SNAPC1: variants seen among roughly 807,000 people sequenced by gnomAD.
SNAPC1 encodes snRNA-activating protein complex subunit 1.
In SNAPC1, 42 loss-of-function variants were observed where a neutral mutation model predicts 50.1. The ratio of observed to expected loss-of-function variants is 0.84; its 90% CI spans 0.65 to 1.08. SNAPC1 has a LOEUF of 1.08. SNAPC1 is among the 50% of genes least tolerant of loss of function. SNAPC1 has a pLI of 0.00. For missense variants in SNAPC1, 477 were observed against 427.3 expected (o/e 1.12, Z -1.02); for synonymous variants, 164 against 144.2 (o/e 1.14, Z -0.98).
At chr14:61,767,189 C>CT (rs756654567) in intron 2 of SNAPC1, 23 bp from the exon 3 acceptor site, 25 of 1,407,916 alleles carry the variant, frequency 1.8e-5, no homozygotes, top group Middle Eastern at 2.0e-4. Context: ...TTTAGTACAA[C>CT]TTTTTTTTCT....
intron 4 of SNAPC1, among the ~76,000 whole-genome samples, chr14:61,772,968 G>T (rs926038565): frequency 4.6e-5 from 7 of 152,124 alleles, no homozygotes; most frequent in Non-Finnish European, 1.0e-4. Flanking sequence ...CTTGTCCCTT[G>T]ATACTTCTGC....
Position 61,796,422 on chromosome 14 carries a change from A to G in SNAPC1, c.*1439A>G, listed in dbSNP as rs928524616. 6.6e-6 allele frequency: 1 copy of G among 152,188 alleles called. No individual in the cohort carries two copies. The allele number at this position is 152,188 out of a possible 1,614,324, so 9.4% of individuals were successfully genotyped here. On this transcript the variant is annotated 3_prime_UTR_variant, in exon 10 of 10. Transcript: ENST00000216294. ...GCTGACGCAAATAAAATTTTCATTT[A>G]TTAGCATTCATGCAGTCACAATTGT...
At chr14:61,773,015 C>A (rs1328807198) in intron 4 of SNAPC1, among the ~76,000 whole-genome samples, 6 of 152,172 alleles carry the variant, frequency 3.9e-5, no homozygotes, top group Admixed American at 2.0e-4. Flanking sequence ...AGCCTGTAAT[C>A]CATTCTCACT....
intron 4 of SNAPC1, among the ~76,000 whole-genome samples, chr14:61,772,617 T>C (rs919186498): frequency 6.6e-6 from 1 of 152,216 alleles, no homozygotes; most frequent in Non-Finnish European, 1.5e-5. Flanking sequence ...CTTGAACTCC[T>C]GAGCTTGGGT....
rs2045186089 is a variant in SNAPC1, at chr14:61,795,881, A to G, written c.*898A>G. 1 of 150,294 alleles carries G rather than the reference A, an allele frequency of 6.7e-6. No homozygotes were observed. Among genetic ancestry groups the G allele is most frequent in the South Asian group, 2.1e-4 (1 of 4,788 alleles). 9.3% of individuals were successfully genotyped at this position (150,294 alleles called of 1,614,324 possible). ...TGTTTTTTTTTTTTCCCTAATAGAG[A>G]TGGAGTATCGCTATGTTGCTCAGGC... On this transcript the variant is annotated 3_prime_UTR_variant, in exon 10 of 10. Coordinates refer to ENST00000216294, the MANE Select transcript of SNAPC1 (RefSeq NM_003082.4).
chr14:61,792,061 C>T (rs1398542469), intron 8 of SNAPC1, among the ~76,000 whole-genome samples: 1 of 150,986 alleles, frequency 6.6e-6, no homozygotes, highest in Non-Finnish European at 1.5e-5. Context: ...CAAGATCGCG[C>T]CACTGCACTG....
chr14:61,772,178 C>A (rs925889709), intron 4 of SNAPC1, among the ~76,000 whole-genome samples: 1 of 151,984 alleles, frequency 6.6e-6, no homozygotes, highest in East Asian at 1.9e-4. Context: ...CTCACTGCAC[C>A]CTCAGTCTCC....
Position 61,792,873 on chromosome 14 carries a change from A to G in SNAPC1, c.1043A>G (p.Glu348Gly). 6.2e-7 allele frequency: 1 copy of G among 1,606,638 alleles called. No individual in the cohort carries two copies. Among genetic ancestry groups the G allele is most frequent in the Non-Finnish European group, 8.5e-7 (1 of 1,175,444 alleles). ...LSLSMPVITE[E>G]EENESLSGTE... ...CTGAGTATGCCTGTAATTACAGAAG[A>G]AGAAGAGAATGAAAGTTTGAGTGGA... Residue 348 changes from glutamate to glycine, a missense_variant, in exon 9 of 10, where the codon GAA becomes GGA. By Grantham distance (98) the Glu-to-Gly change is moderately conservative (BLOSUM62 -2). Transcript: ENST00000216294.
chr14:61,779,709 T>TG lies in SNAPC1; in HGVS notation c.825+799_825+800insG, dbSNP rs1336073641. ...TGTTTGAACTCTTTCACTTTGTTGG[T>TG]TTTTTTTTTTTTTTTTGAGACAGAG... On this transcript the variant is annotated intron_variant, in intron 7 of 9. Coordinates refer to ENST00000216294, the MANE Select transcript of SNAPC1 (RefSeq NM_003082.4). 2.2e-3 allele frequency among the ~76,000 whole-genome samples: 4 copies of TG among 1,846 alleles called. No individual in the cohort carries two copies. In the Non-Finnish European group the frequency reaches 0.034, roughly 16 times the overall value. 1.2% of individuals were successfully genotyped at this position (1,846 alleles called of 152,430 possible).
chr14:61,781,350 A>G (rs1301687995), intron 7 of SNAPC1, among the ~76,000 whole-genome samples: 5 of 151,482 alleles, frequency 3.3e-5, no homozygotes, highest in African/African-American at 4.8e-5. Flanking sequence ...TCGGGAGGCT[A>G]AGGCAGGAGA....
intron 1 of SNAPC1, among the ~76,000 whole-genome samples, chr14:61,766,193 C>T (rs984746884): frequency 1.3e-5 from 2 of 152,196 alleles, no homozygotes; most frequent in African/African-American, 4.8e-5. Context: ...TTTGCCCTGG[C>T]GTGCTTATAC....
chr14:61,794,006 T>C (rs1173742272), intron 9 of SNAPC1, among the ~76,000 whole-genome samples: 2 of 152,170 alleles, frequency 1.3e-5, no homozygotes, highest in South Asian at 2.1e-4. Flanking sequence ...TTTTGTGTTT[T>C]CTATTACTTT....
intron 4 of SNAPC1, among the ~76,000 whole-genome samples, chr14:61,772,355 C>T (rs955043580): frequency 1.3e-5 from 2 of 152,162 alleles, no homozygotes; most frequent in East Asian, 1.9e-4. Flanking sequence ...AGCGATTCTC[C>T]TGCCTTAGCC....
At chr14:61,783,999 A>G (rs536124274) in intron 8 of SNAPC1, among the ~76,000 whole-genome samples, 1 of 152,226 alleles carries the variant, frequency 6.6e-6, no homozygotes, top group East Asian at 1.9e-4. Flanking sequence ...CTGCAGGTAT[A>G]TATGAAGATA....
intron 7 of SNAPC1, among the ~76,000 whole-genome samples, chr14:61,780,199 T>C (rs2045062138): frequency 1.3e-5 from 2 of 152,164 alleles, no homozygotes; most frequent in Admixed American, 6.6e-5. Context: ...TGCCAATGTT[T>C]TGGGAGCCTA....
intron 6 of SNAPC1, among the ~76,000 whole-genome samples, 156 bp from the exon 7 acceptor site, chr14:61,778,692 A>ATG (rs1728919347): frequency 6.6e-6 from 1 of 152,164 alleles, no homozygotes; most frequent in South Asian, 2.1e-4. Flanking sequence ...ATGTATGTTT[A>ATG]TGTGTGTGTA....
chr14:61,792,894 G>A lies in SNAPC1; in HGVS notation c.1064G>A (p.Ser355Asn). Residue 355 changes from serine (S) to asparagine (N), a missense_variant, in exon 9 of 10, where the codon AGT becomes AAT. Physicochemically the swap from Ser to Asn is conservative, Grantham distance 46. Transcript: ENST00000216294. The stretch of plus-strand genomic sequence containing the variant: ...GAAGAAGAAGAGAATGAAAGTTTGA[G>A]TGGAACAGGTACAGATAAAATTTGG... Reference protein sequence around the residue: ...ITEEEENESLSGTEFTASKKR... With the variant: ...ITEEEENESLNGTEFTASKKR... 6.3e-7 allele frequency: 1 copy of A among 1,589,044 alleles called. No homozygotes were observed. The highest frequency in any genetic ancestry group is 8.6e-7 in the Non-Finnish European group (1 of 1,161,186).
intron 8 of SNAPC1, among the ~76,000 whole-genome samples, chr14:61,792,483 A>T (rs1417409164): frequency 6.6e-6 from 1 of 152,238 alleles, no homozygotes; most frequent in Admixed American, 6.5e-5. Flanking sequence ...ATATGTGATT[A>T]TTCTTTGATG....
chr14:61,778,680 T>C (rs2045051637), intron 6 of SNAPC1, among the ~76,000 whole-genome samples, 168 bp from the exon 7 acceptor site: 1 of 152,222 alleles, frequency 6.6e-6, no homozygotes, highest in Non-Finnish European at 1.5e-5. Flanking sequence ...TGAGAGAATA[T>C]GATGTATGTT....
Sources: gnomAD v4.1 joint callset for allele counts (sites outside exome capture counted in the v4.1 genomes callset) on GRCh38, gnomAD v4.1.1 for gene constraint, MANE v1.5 for transcripts, NCBI Gene and HGNC (gene_info 2026-07-23, HGNC 2026-07-21) for gene names.